The following CMSS1 variants were observed in gnomAD, a reference collection of about 807,000 sequenced individuals.
CMSS1 encodes the protein cms1 ribosomal small subunit homolog.
In CMSS1, 33 loss-of-function variants were observed where a neutral mutation model predicts 43.5. The observed-to-expected ratio is 0.76, with a 90% CI of 0.57 to 1.01. The LOEUF is 1.01. Ranked by LOEUF, CMSS1 falls within the 50% of genes least tolerant of loss-of-function variation. CMSS1 has a pLI of 0.00. For synonymous variants in CMSS1, 115 were observed against 117.2 expected, an observed-to-expected ratio of 0.98 and a Z score of 0.12; for missense variants, 313 against 326.4, an observed-to-expected ratio of 0.96 and a Z score of 0.32.
At chr3:100,146,402 G>A (rs58953554) in intron 1 of CMSS1, among the ~76,000 whole-genome samples, 2,229 of 152,278 alleles carry the variant, frequency 0.015, 55 homozygotes, top group African/African-American at 0.052. Flanking sequence ...GGTTCTGGGT[G>A]CAGGCATCAC....
At chr3:100,054,544 C>T (rs200270520) in intron 1 of CMSS1, among the ~76,000 whole-genome samples, 6 of 115,168 alleles carry the variant, frequency 5.2e-5, no homozygotes, top group Admixed American at 4.7e-4. Context: ...TATGTTATGT[C>T]ATGTTATGTT....
At chr3:99,847,658 T>TA (rs1440717257) in intron 1 of CMSS1, among the ~76,000 whole-genome samples, 1 of 152,206 alleles carries the variant, frequency 6.6e-6, no homozygotes, top group Non-Finnish European at 1.5e-5. Flanking sequence ...GCTGGGCTCT[T>TA]AGAGATACTG....
chr3:99,887,310 T>C, intron 1 of CMSS1, among the ~76,000 whole-genome samples: 1 of 152,144 alleles, frequency 6.6e-6, no homozygotes, highest in East Asian at 1.9e-4. Context: ...CTGGTAGATC[T>C]TCATCAGAAG....
At chr3:100,114,949 C>T (rs986874881) in intron 1 of CMSS1, 41 of 1,534,594 alleles carry the variant, frequency 2.7e-5, no homozygotes, top group African/African-American at 4.1e-5. Flanking sequence ...ACAGGAGACA[C>T]GAGGGCAAAG....
chr3:100,110,835 G>A (rs1419165386), intron 1 of CMSS1, among the ~76,000 whole-genome samples: 1 of 152,060 alleles, frequency 6.6e-6, no homozygotes, highest in South Asian at 2.1e-4. Flanking sequence ...GCAGGATCTG[G>A]ACTGGGTAGA....
At chr3:99,963,532 C>T (rs1259055522) in intron 1 of CMSS1, among the ~76,000 whole-genome samples, 4 of 151,976 alleles carry the variant, frequency 2.6e-5, no homozygotes, top group Non-Finnish European at 4.4e-5. Flanking sequence ...GTTGATTGAG[C>T]GGGATATTTA....
intron 1 of CMSS1, among the ~76,000 whole-genome samples, chr3:100,049,775 C>G (rs984902672): frequency 6.6e-6 from 1 of 152,110 alleles, no homozygotes; most frequent in Non-Finnish European, 1.5e-5. Flanking sequence ...CTAACATTTT[C>G]TTTTCTCTAG....
intron 1 of CMSS1, among the ~76,000 whole-genome samples, chr3:100,036,325 A>G (rs894540716): frequency 2.6e-5 from 4 of 152,176 alleles, no homozygotes; most frequent in African/African-American, 9.7e-5. Context: ...AAAAAAGATG[A>G]GCCTGGAACA....
intron 1 of CMSS1, among the ~76,000 whole-genome samples, chr3:99,921,373 T>C (rs1427806938): frequency 2.0e-5 from 3 of 152,164 alleles, no homozygotes; most frequent in Admixed American, 6.5e-5. Flanking sequence ...TTAAAGCAGA[T>C]AGAAGTCAGT....
At chr3:100,049,806 C>T (rs943297019) in intron 1 of CMSS1, among the ~76,000 whole-genome samples, 1 of 152,184 alleles carries the variant, frequency 6.6e-6, no homozygotes, top group African/African-American at 2.4e-5. Flanking sequence ...TGTAAGACTA[C>T]TGTTTATAAT....
At chr3:99,877,094 T>C (rs1705560843) in intron 1 of CMSS1, among the ~76,000 whole-genome samples, 1 of 152,230 alleles carries the variant, frequency 6.6e-6, no homozygotes, top group South Asian at 2.1e-4. Context: ...TTCTTGTGAA[T>C]GAGAATTCAC....
At chr3:99,947,689 C>A (rs1576593403) in intron 1 of CMSS1, among the ~76,000 whole-genome samples, 1 of 152,120 alleles carries the variant, frequency 6.6e-6, no homozygotes, top group Admixed American at 6.5e-5. Flanking sequence ...ATTCTTTTTC[C>A]CTTACCAAAT....
intron 1 of CMSS1, among the ~76,000 whole-genome samples, chr3:100,104,999 T>G (rs1483394374): frequency 6.6e-6 from 1 of 152,224 alleles, no homozygotes; most frequent in Non-Finnish European, 1.5e-5. Context: ...TTTAACTTTC[T>G]GCTCATGACA....
chr3:99,980,070 T>G (rs1228448277), intron 1 of CMSS1, among the ~76,000 whole-genome samples: 1 of 152,082 alleles, frequency 6.6e-6, no homozygotes, highest in African/African-American at 2.4e-5. Flanking sequence ...AGCTGGAAAT[T>G]AGAGGGTGTG....
chr3:99,885,282 T>C (rs1421729602), intron 1 of CMSS1, among the ~76,000 whole-genome samples: 1 of 152,220 alleles, frequency 6.6e-6, no homozygotes, highest in Non-Finnish European at 1.5e-5. Flanking sequence ...TGTAGGGCTA[T>C]TTCATGGGGA....
chr3:99,956,073 C>T (rs1322250041), intron 1 of CMSS1, among the ~76,000 whole-genome samples: 1 of 152,160 alleles, frequency 6.6e-6, no homozygotes, highest in Non-Finnish European at 1.5e-5. Context: ...AAGTTTCCAG[C>T]TTCAAATGGG....
chr3:100,053,445 T>C (rs2065407221), intron 1 of CMSS1, among the ~76,000 whole-genome samples: 1 of 152,206 alleles, frequency 6.6e-6, no homozygotes, highest in Non-Finnish European at 1.5e-5. Flanking sequence ...CCGCTGTCTT[T>C]ACATAGTTGT....
chr3:99,959,055 G>A (rs1035205410), intron 1 of CMSS1, among the ~76,000 whole-genome samples: 4 of 152,134 alleles, frequency 2.6e-5, no homozygotes, highest in Admixed American at 1.3e-4. Context: ...GGTTATAAAT[G>A]TAACAGAATT....
intron 1 of CMSS1, among the ~76,000 whole-genome samples, chr3:100,075,789 T>C (rs1355396608): frequency 6.6e-6 from 1 of 152,232 alleles, no homozygotes; most frequent in African/African-American, 2.4e-5. Context: ...AACCAGGACC[T>C]ATTGATGACT....
Sources: gnomAD v4.1 joint callset for allele counts (sites outside exome capture counted in the v4.1 genomes callset) on GRCh38, gnomAD v4.1.1 for gene constraint, MANE v1.5 for transcripts, NCBI Gene and HGNC (gene_info 2026-07-23, HGNC 2026-07-21) for gene names.